The following COL24A1 variants were observed in gnomAD, a reference collection of about 807,000 sequenced individuals.
COL24A1 encodes collagen alpha-1(XXIV) chain.
Under a neutral mutation model 253.9 loss-of-function variants are expected in COL24A1, and 224 were observed. The observed-to-expected ratio is 0.88, with a 90% confidence interval of 0.79 to 0.99. The LOEUF (loss-of-function observed/expected upper bound fraction) is 0.99, where lower values mean the gene tolerates loss of function less well. Ranked by LOEUF, COL24A1 falls within the 50% of genes least tolerant of loss-of-function variation. The pLI is 0.00. For synonymous variants in COL24A1, 685 were observed against 673.7 expected, an observed-to-expected ratio of 1.02 and a Z score of -0.26; for missense variants, 2,131 against 2,068.5, an observed-to-expected ratio of 1.03 and a Z score of -0.59.
At chr1:86,078,421 T>C (rs956688030) in intron 7 of COL24A1, among the ~76,000 whole-genome samples, 34 of 152,156 alleles carry the variant, frequency 2.2e-4, no homozygotes, top group African/African-American at 8.0e-4. Flanking sequence ...CTTTCTCCAC[T>C]GTTATTCAAC....
chr1:85,780,559 G>C (rs1669042451), intron 52 of COL24A1, among the ~76,000 whole-genome samples: 1 of 152,054 alleles, frequency 6.6e-6, no homozygotes, highest in Non-Finnish European at 1.5e-5. Context: ...AAAGAGCGCT[G>C]GTCTTGAAGA....
chr1:85,784,210 G>A (rs2101592982), intron 49 of COL24A1, 44 bp from the exon 50 acceptor site: 1 of 1,610,290 alleles, frequency 6.2e-7, no homozygotes, highest in East Asian at 2.2e-5. Context: ...TACAATGGCA[G>A]CCTGCTCTGT....
At chr1:85,813,530 G>GTTT (rs1672757614) in intron 47 of COL24A1, among the ~76,000 whole-genome samples, 2 of 105,970 alleles carry the variant, frequency 1.9e-5, no homozygotes, top group Non-Finnish European at 3.6e-5. Flanking sequence ...TCTCATTCAG[G>GTTT]TCTTTTTTTT....
chr1:85,779,081 C>A (rs1016605498), intron 52 of COL24A1, among the ~76,000 whole-genome samples: 3 of 152,016 alleles, frequency 2.0e-5, no homozygotes, highest in Non-Finnish European at 4.4e-5. Context: ...AGTCAACTCA[C>A]TGTAGCCTGG....
chr1:85,926,897 G>A (rs1196407979), intron 24 of COL24A1, among the ~76,000 whole-genome samples: 3 of 152,034 alleles, frequency 2.0e-5, no homozygotes, highest in Non-Finnish European at 2.9e-5. Flanking sequence ...GAAAATAAAA[G>A]TTTCAAGAAG....
chr1:85,951,525 C>A (rs116457082), intron 24 of COL24A1, among the ~76,000 whole-genome samples: 2,829 of 152,120 alleles, frequency 0.019, 88 homozygotes, highest in African/African-American at 0.063. Context: ...GTGGCCAGAT[C>A]ATAGGGAGTA....
At chr1:85,989,955 T>C (rs1694094863) in intron 19 of COL24A1, among the ~76,000 whole-genome samples, 1 of 152,128 alleles carries the variant, frequency 6.6e-6, no homozygotes, top group Admixed American at 6.5e-5. Context: ...TAATGTAGTG[T>C]TTTGGCTTGT....
chr1:85,906,327 T>A (rs191619288), intron 28 of COL24A1, among the ~76,000 whole-genome samples: 86 of 146,806 alleles, frequency 5.9e-4, no homozygotes, highest in African/African-American at 2.1e-3. Context: ...ATTTTCTTCA[T>A]AAGCTCTAAA....
intron 37 of COL24A1, among the ~76,000 whole-genome samples, chr1:85,862,921 C>T (rs1679328117): frequency 6.6e-6 from 1 of 152,142 alleles, no homozygotes; most frequent in Non-Finnish European, 1.5e-5. Context: ...TGGCCATTTT[C>T]ATGATACTGA....
At chr1:85,730,804 T>C (rs929299947) in intron 59 of COL24A1, 112 bp from the exon 60 acceptor site, 23 of 1,095,814 alleles carry the variant, frequency 2.1e-5, no homozygotes, top group Non-Finnish European at 2.8e-5. Flanking sequence ...AGATAACGAA[T>C]AGAAAGTGCC....
chr1:85,817,575 G>A (rs78037362), intron 46 of COL24A1, among the ~76,000 whole-genome samples: 3,849 of 152,124 alleles, frequency 0.025, 123 homozygotes, highest in Admixed American at 0.073. Context: ...GAAACTGATG[G>A]TGAGGTAAAA....
At chr1:86,056,991 T>C (rs1700711923) in intron 10 of COL24A1, among the ~76,000 whole-genome samples, 1 of 152,240 alleles carries the variant, frequency 6.6e-6, no homozygotes, top group Admixed American at 6.5e-5. Context: ...TTTTTTATTT[T>C]ATACACTACA....
At position 86,080,221 on chromosome 1, in the gene COL24A1, C is replaced by T. The variant is rs545440377; in HGVS notation, c.1707+8953G>A. Among the ~76,000 whole-genome samples the T allele has an allele frequency of 2.0e-5, 3 of 152,122 alleles. No homozygotes were observed. The East Asian group carries it at 5.8e-4, about 29-fold the overall frequency. ...TCACTTATCTGTGGGATCTAAATAT[C>T]ACAAAATTGAATTCATGGAGACAGG... On this transcript the variant is annotated intron_variant, in intron 7 of 59. Transcript: ENST00000370571.
chr1:85,762,052 A>T (rs1321805797), intron 53 of COL24A1, among the ~76,000 whole-genome samples: 1 of 152,170 alleles, frequency 6.6e-6, no homozygotes, highest in Admixed American at 6.5e-5. Context: ...TGTTAAAATT[A>T]ATTAGTATTA....
chr1:86,148,920 G>A (rs1032683797), intron 1 of COL24A1, among the ~76,000 whole-genome samples: 48 of 152,010 alleles, frequency 3.2e-4, no homozygotes, highest in African/African-American at 7.7e-4. Flanking sequence ...CTGAGGAATC[G>A]CCACACTGAC....
intron 31 of COL24A1, among the ~76,000 whole-genome samples, chr1:85,894,746 C>G (rs976974323): frequency 6.6e-6 from 1 of 152,012 alleles, no homozygotes; most frequent in African/African-American, 2.4e-5. Flanking sequence ...AATACAATGC[C>G]ACACACAAGT....
chr1:85,740,760 T>C (rs1219199660), intron 57 of COL24A1, among the ~76,000 whole-genome samples: 3 of 148,396 alleles, frequency 2.0e-5, no homozygotes, highest in African/African-American at 7.4e-5. Flanking sequence ...GCATGAGCCA[T>C]TGCACCTGGC....
chr1:85,788,678 G>C (rs1669958265), intron 47 of COL24A1, among the ~76,000 whole-genome samples: 3 of 152,154 alleles, frequency 2.0e-5, no homozygotes, highest in Admixed American at 1.3e-4. Context: ...TTTTCTTCTA[G>C]GGTTTTTATA....
chr1:85,906,172 C>T (rs902094114), intron 28 of COL24A1, among the ~76,000 whole-genome samples: 52 of 149,880 alleles, frequency 3.5e-4, no homozygotes, highest in African/African-American at 1.0e-3. Flanking sequence ...CAAGCTTCAC[C>T]GAAAACACAG....
Sources: gnomAD v4.1 joint callset for allele counts (sites outside exome capture counted in the v4.1 genomes callset) on GRCh38, gnomAD v4.1.1 for gene constraint, MANE v1.5 for transcripts, NCBI Gene and HGNC (gene_info 2026-07-23, HGNC 2026-07-21) for gene names.